TMPRSS13: variants seen among roughly 807,000 people sequenced by gnomAD.
TMPRSS13 encodes the protein transmembrane serine protease 13.
In TMPRSS13, 50 loss-of-function variants were observed where a neutral mutation model predicts 68.4. The ratio of observed to expected loss-of-function variants is 0.73; its 90% CI spans 0.58 to 0.93. TMPRSS13 has a LOEUF of 0.93. Among genes scored for constraint, TMPRSS13 ranks in the 40% least tolerant of loss-of-function variants. The probability of loss-of-function intolerance (pLI) is 0.00; values close to 1 mark genes in which losing one functional copy is unlikely to be tolerated. For synonymous variants in TMPRSS13, 267 were observed against 285.8 expected, an observed-to-expected ratio of 0.93 and a Z score of 0.66; for missense variants, 615 against 729.2, an observed-to-expected ratio of 0.84 and a Z score of 1.80.
rs2134868336 is a variant in TMPRSS13 at position 117,901,434 on chromosome 11, G to C, written c.*805C>G. On this transcript the variant is annotated 3_prime_UTR_variant, in exon 13 of 13. Coordinates refer to ENST00000524993, the MANE Select transcript of TMPRSS13 (RefSeq NM_001077263.3). ...CAGTCTCTTCATCCAGTTCCTTGAGGCCAGAAATATTCTGTAGGACTCTAA... is the reference window on the plus strand; with the variant it reads ...CAGTCTCTTCATCCAGTTCCTTGAGCCCAGAAATATTCTGTAGGACTCTAA... 6.5e-6 allele frequency: 1 copy of C among 152,682 alleles called. No homozygotes were observed. Among genetic ancestry groups the C allele is most frequent in the South Asian group, 2.1e-4 (1 of 4,820 alleles). 9.5% of individuals were successfully genotyped at this position (152,682 alleles called of 1,614,324 possible).
intron 1 of TMPRSS13, among the ~76,000 whole-genome samples, chr11:117,924,290 G>C (rs562178069): frequency 1.3e-5 from 2 of 152,250 alleles, no homozygotes; most frequent in African/African-American, 4.8e-5. Flanking sequence ...CAGCCAGGTG[G>C]GGACGGTGCC....
intron 4 of TMPRSS13, 63 bp from the exon 5 acceptor site, chr11:117,913,969 G>A: frequency 1.9e-6 from 3 of 1,576,964 alleles, no homozygotes; most frequent in Non-Finnish European, 2.6e-6. Context: ...GCTCTTGGGG[G>A]ATGAGCTGAG....
chr11:117,917,618 C>T lies in TMPRSS13; in HGVS notation c.452-344G>A, dbSNP rs1162963119. 3.9e-5 allele frequency among the ~76,000 whole-genome samples: 6 copies of T among 152,270 alleles called. No individual in the cohort carries two copies. The East Asian group carries it at 1.2e-3, about 29-fold the overall frequency. On this transcript the variant is annotated intron_variant, in intron 2 of 12. Transcript: ENST00000524993. The stretch of plus-strand genomic sequence containing the variant: ...TTCTATAGATGGGGAAACTGAGGTT[C>T]GTGGAAGTGAAATCACTTGCCCAGG...
chr11:117,904,920 G>T (rs2134875992), intron 10 of TMPRSS13, among the ~76,000 whole-genome samples: 1 of 128,322 alleles, frequency 7.8e-6, no homozygotes, highest in East Asian at 2.1e-4. Flanking sequence ...ATTGAGACGG[G>T]TTTCACTCTG....
chr11:117,903,275 G>T, intron 12 of TMPRSS13: 1 of 1,267,620 alleles, frequency 7.9e-7, no homozygotes, highest in Non-Finnish European at 1.1e-6. Flanking sequence ...AGGCCATGAA[G>T]AGCGGATTCC....
At chr11:117,907,732 A>T in intron 9 of TMPRSS13, 1 of 887,840 alleles carries the variant, frequency 1.1e-6, no homozygotes, top group Non-Finnish European at 1.3e-6. Flanking sequence ...CAGGATGATT[A>T]GTTGCTCCCG....
At chr11:117,913,961 T>G (rs1407640247) in intron 4 of TMPRSS13, 55 bp from the exon 5 acceptor site, 1 of 1,589,904 alleles carries the variant, frequency 6.3e-7, no homozygotes, top group African/African-American at 1.3e-5. Flanking sequence ...AGCATCAAGC[T>G]CTTGGGGGAT....
intron 1 of TMPRSS13, 55 bp downstream of exon 1, chr11:117,929,232 G>C: frequency 6.5e-7 from 1 of 1,529,738 alleles, no homozygotes; most frequent in Non-Finnish European, 8.8e-7. Flanking sequence ...CCCAGCCTCA[G>C]CCCTGCTTCC....
chr11:117,926,210 G>A lies in TMPRSS13; in HGVS notation c.21+3077C>T, dbSNP rs552058379. Among the ~76,000 whole-genome samples, 488 of 137,780 alleles carry A rather than the reference G, an allele frequency of 3.5e-3. 6 individuals are homozygous for A. The highest frequency in any genetic ancestry group is 0.013 in the African/African-American group (454 of 35,628). 90.4% of individuals were successfully genotyped at this position (137,780 alleles called of 152,430 possible). ...GCAGGTGCCAGGGTCCTTGGAGGAC[G>A]AGGTGAGGGATGCACACCTGCAGAG... On this transcript the variant is annotated intron_variant, in intron 1 of 12. Coordinates refer to ENST00000524993, the MANE Select transcript of TMPRSS13 (RefSeq NM_001077263.3).
rs3802874 is a variant in TMPRSS13 at position 117,905,610 on chromosome 11, C to T, written c.1381+28G>A. ...ACACACACATGCACATGAATACATACACACAACCAAGCATCTTTGCCTCTT... is the reference window on the plus strand; with the variant it reads ...ACACACACATGCACATGAATACATATACACAACCAAGCATCTTTGCCTCTT... On this transcript the variant is annotated intron_variant, in intron 10 of 12. Coordinates refer to ENST00000524993, the MANE Select transcript of TMPRSS13 (RefSeq NM_001077263.3). The T allele has an allele frequency of 4.0e-4, 617 of 1,558,300 alleles. 2 individuals are homozygous for T. The East Asian group carries it at 0.012, about 31-fold the overall frequency.
intron 8 of TMPRSS13, among the ~76,000 whole-genome samples, chr11:117,909,174 G>A (rs909645667): frequency 6.6e-6 from 1 of 152,184 alleles, no homozygotes. Context: ...GAAGGTGCTG[G>A]GACTAGGGAT....
At chr11:117,921,996 G>A (rs567900318) in intron 1 of TMPRSS13, among the ~76,000 whole-genome samples, 2 of 152,246 alleles carry the variant, frequency 1.3e-5, no homozygotes, top group South Asian at 4.2e-4. Flanking sequence ...TCATCTTCAG[G>A]GATCATCTGA....
Position 117,914,398 on chromosome 11 carries a change from C to G in TMPRSS13, c.673G>C (p.Gly225Arg). 6.2e-7 allele frequency: 1 copy of G among 1,613,812 alleles called. No homozygotes were observed. Among genetic ancestry groups the G allele is most frequent in the East Asian group, 2.2e-5 (1 of 44,858 alleles). The change falls in exon 4 of 13, where the codon GGC becomes CGC. Residue 225 changes from glycine to arginine, a missense_variant. Gly to Arg is a moderately radical substitution (Grantham distance 125, BLOSUM62 -2). Coordinates refer to ENST00000524993, the MANE Select transcript of TMPRSS13 (RefSeq NM_001077263.3). This position sits in a 1 kb window ranked among gnomAD's most constrained non-coding sequence, Gnocchi z 4.2. The part of the protein sequence containing the change: ...VDCKLKSDEL[G>R]CVRFDWDKSL... Reference sequence around the variant, plus strand: ...CCGCACCCAGCCTCCTTACCGCAGCCCAGCTCGTCACTCTTCAGCTTGCAG... The same window carrying G: ...CCGCACCCAGCCTCCTTACCGCAGCGCAGCTCGTCACTCTTCAGCTTGCAG...
At chr11:117,910,096 AC>A in intron 7 of TMPRSS13, 128 bp from the exon 8 acceptor site, 2 of 1,132,636 alleles carry the variant, frequency 1.8e-6, no homozygotes, top group South Asian at 1.5e-5. Context: ...CCTGAAGGGC[AC>A]CCACCCTTCC....
intron 5 of TMPRSS13, among the ~76,000 whole-genome samples, chr11:117,912,406 A>G (rs920250033): frequency 1.1e-4 from 17 of 152,262 alleles, no homozygotes; most frequent in Non-Finnish European, 2.9e-5. Context: ...GGGCAAGCCC[A>G]CTGGATCTTA....
At position 117,922,375 on chromosome 11, in the gene TMPRSS13, C is replaced by T. The variant is rs2057657490; in HGVS notation, c.22-3537G>A. Among the ~76,000 whole-genome samples, 1 of 152,202 alleles carries T rather than the reference C, an allele frequency of 6.6e-6. No individual in the cohort carries two copies. The highest frequency in any genetic ancestry group is 6.5e-5 in the Admixed American group (1 of 15,280). On this transcript the variant is annotated intron_variant, in intron 1 of 12. Coordinates refer to ENST00000524993, the MANE Select transcript of TMPRSS13 (RefSeq NM_001077263.3). This position sits in a 1 kb window ranked among gnomAD's most constrained non-coding sequence, Gnocchi z 4.2. Reference sequence around the variant, plus strand: ...TCAGCCTCCTGAGTACCTGGGACTACAGGCACGCGCCACTGTGCCCAGCTA... The same window carrying T: ...TCAGCCTCCTGAGTACCTGGGACTATAGGCACGCGCCACTGTGCCCAGCTA...
In TMPRSS13 at chr11:117,903,813, G is replaced by A; in HGVS notation, c.1525-6C>T. ...AGAGGCCCCCCGCTGTCTCCCTGCAGGGGAGAGGGGGCACATTCGCAGGAT... is the reference window on the plus strand; with the variant it reads ...AGAGGCCCCCCGCTGTCTCCCTGCAAGGGAGAGGGGGCACATTCGCAGGAT... On this transcript the variant is annotated splice_region_variant and splice_polypyrimidine_tract_variant and intron_variant, in intron 11 of 12. Transcript: ENST00000524993. The A allele has an allele frequency of 6.2e-7, 1 of 1,609,186 alleles. No homozygotes were observed. The highest frequency in any genetic ancestry group is 8.5e-7 in the Non-Finnish European group (1 of 1,177,840).
rs1591619270 is a variant in TMPRSS13 at position 117,908,920 on chromosome 11, A to G, written c.1110-136T>C. The G allele has an allele frequency of 3.6e-6, 3 of 824,810 alleles. No homozygotes were observed. The South Asian group carries it at 5.4e-5, about 15-fold the overall frequency. 51.1% of individuals were successfully genotyped at this position (824,810 alleles called of 1,614,324 possible). On this transcript the variant is annotated intron_variant, in intron 8 of 12. Coordinates refer to ENST00000524993, the MANE Select transcript of TMPRSS13 (RefSeq NM_001077263.3). ...ATGGATAAAATGACCTCTGGAGGGA[A>G]CCCTCTATCTTATCCCTGGAGTCCA...
At position 117,905,756 on chromosome 11, in the gene TMPRSS13, C is replaced by T. The variant is rs3802873; in HGVS notation, c.1283-20G>A. On this transcript the variant is annotated intron_variant, in intron 9 of 12. Coordinates refer to ENST00000524993, the MANE Select transcript of TMPRSS13 (RefSeq NM_001077263.3). The stretch of plus-strand genomic sequence containing the variant: ...TGTGAGCTGCAACAAGACCTCCAGA[C>T]GTCAGTGAAGGAACAAGGCTGAGAC... 0.29 allele frequency: 448,674 copies of T among 1,569,610 alleles called. 65,525 individuals are homozygous for T. Among genetic ancestry groups the T allele is most frequent in the South Asian group, 0.29 (25,455 of 86,632 alleles).
Sources: allele counts gnomAD v4.1 joint callset (sites outside exome capture counted in the v4.1 genomes callset), GRCh38; gene constraint gnomAD v4.1.1; non-coding constraint Gnocchi (gnomAD v3.1); transcripts MANE v1.5; gene names NCBI Gene and HGNC (gene_info 2026-07-23, HGNC 2026-07-21).